The following HDC variants were observed in gnomAD, a reference collection of about 807,000 sequenced individuals.
HDC encodes the protein histidine decarboxylase.
Under a neutral mutation model 64.4 loss-of-function variants are expected in HDC, and 27 were observed. The observed-to-expected ratio is 0.42, with a 90% CI of 0.31 to 0.58. HDC has a LOEUF of 0.58. Ranked by LOEUF, HDC falls within the 20% of genes least tolerant of loss-of-function variation. The pLI, the probability that HDC is intolerant of heterozygous loss-of-function variation, is 0.16. For missense variants in HDC, 711 were observed against 833.9 expected (o/e 0.85, Z 1.81); for synonymous variants, 305 against 314.2 (o/e 0.97, Z 0.31).
chr15:50,252,444 C>T lies in HDC; in HGVS notation c.1027G>A (p.Ala343Thr). 6.2e-7 allele frequency: 1 copy of T among 1,614,104 alleles called. No homozygotes were observed. The highest frequency in any genetic ancestry group is 1.1e-5 in the South Asian group (1 of 91,078). ...TGGCCACTCACCATGAAGTCGGTGG[C>T]CACGCCTGAGTTGGCATGCCTGAGG... Reference protein sequence around the residue: ...IYLRHANSGVATDFMHWQIPL... With the variant: ...IYLRHANSGVTTDFMHWQIPL... Residue 343 changes from alanine (A) to threonine (T), a missense_variant, in exon 9 of 12, where the codon GCC becomes ACC. Ala to Thr is a moderately conservative substitution (Grantham distance 58). Coordinates refer to ENST00000267845, the MANE Select transcript of HDC (RefSeq NM_002112.4).
Position 50,252,420 on chromosome 15 carries a change from G to A in HDC, c.1041+10C>T. The A allele has an allele frequency of 6.2e-7, 1 of 1,612,764 alleles. No individual in the cohort carries two copies. The highest frequency in any genetic ancestry group is 8.5e-7 in the Non-Finnish European group (1 of 1,178,786). The stretch of plus-strand genomic sequence containing the variant: ...CGAGCCCACCAGGCTGCCCGTCCCT[G>A]GCCACTCACCATGAAGTCGGTGGCC... On this transcript the variant is annotated intron_variant, in intron 9 of 11. Coordinates refer to ENST00000267845, the MANE Select transcript of HDC (RefSeq NM_002112.4).
intron 9 of HDC, among the ~76,000 whole-genome samples, chr15:50,249,841 A>C (rs146807008): frequency 6.6e-6 from 1 of 152,334 alleles, no homozygotes; most frequent in African/African-American, 2.4e-5. Flanking sequence ...ATTTCTTCAC[A>C]ATCTTCCTTA....
At chr15:50,255,695 G>C (rs917565235) in intron 4 of HDC, among the ~76,000 whole-genome samples, 1 of 152,184 alleles carries the variant, frequency 6.6e-6, no homozygotes, top group African/African-American at 2.4e-5. Context: ...AGCTACGTGG[G>C]AGGCTGAGGT....
intron 10 of HDC, among the ~76,000 whole-genome samples, chr15:50,245,385 TAGG>T (rs2045466468): frequency 6.6e-6 from 1 of 152,038 alleles, no homozygotes; most frequent in South Asian, 2.1e-4. Flanking sequence ...TTGTAGGTGA[TAGG>T]AGATGAGGAT....
rs1356885484 is a variant in HDC at position 50,252,793 on chromosome 15, C to T, written c.788-19G>A. 2 of 1,605,786 alleles carry T rather than the reference C, an allele frequency of 1.2e-6. No homozygotes were observed. The highest frequency in any genetic ancestry group is 1.7e-5 in the Admixed American group (1 of 58,552). On this transcript the variant is annotated intron_variant, in intron 7 of 11. Transcript: ENST00000267845. ...CGGGCACCTGAGGAGGCAAACATCACCTGGCCGGAGGGGAGGTATGAAGTG... is the reference window on the plus strand; with the variant it reads ...CGGGCACCTGAGGAGGCAAACATCATCTGGCCGGAGGGGAGGTATGAAGTG...
chr15:50,257,618 CATGTCTGCCCCTG>C, intron 3 of HDC, 71 bp from the exon 4 acceptor site: 1 of 1,568,046 alleles, frequency 6.4e-7, no homozygotes, highest in Non-Finnish European at 8.7e-7. Flanking sequence ...GCTCCAGAAA[CATGTCTGCCCCTG>C]ATGGTGTCAA....
intron 10 of HDC, among the ~76,000 whole-genome samples, chr15:50,244,213 A>G (rs938156602): frequency 6.6e-6 from 1 of 151,882 alleles, no homozygotes; most frequent in Non-Finnish European, 1.5e-5. Context: ...AATATTTGCT[A>G]AGTAATTCTA....
rs2045569472 is a variant in HDC, at chr15:50,252,469, G to A, written c.1002C>T (p.Tyr334=). The change falls in exon 9 of 12, where the codon TAC becomes TAT. Residue 334 remains tyrosine, a synonymous_variant. Transcript: ENST00000267845. ...LQQTFSVNPI[Y]LRHANSGVAT... ...CCACGCCTGAGTTGGCATGCCTGAG[G>A]TAGATGGGATTCACACTGAAGGTCT... 4 of 1,614,200 alleles carry A rather than the reference G, an allele frequency of 2.5e-6. No individual in the cohort carries two copies. The highest frequency in any genetic ancestry group is 3.4e-6 in the Non-Finnish European group (4 of 1,180,044).
At chr15:50,261,535 C>A (rs775077811) in intron 2 of HDC, among the ~76,000 whole-genome samples, 2 of 150,220 alleles carry the variant, frequency 1.3e-5, no homozygotes, top group African/African-American at 4.9e-5. Context: ...CATCCCAACA[C>A]TTTGGAAGGC....
In HDC at chr15:50,242,303, C is replaced by T. The variant is rs769958247; in HGVS notation, c.1946G>A (p.Cys649Tyr). 4.3e-6 allele frequency: 7 copies of T among 1,614,178 alleles called. No individual in the cohort carries two copies. The highest frequency in any genetic ancestry group is 5.9e-6 in the Non-Finnish European group (7 of 1,180,028). ...VPSFPECSSQCGLQLPCCPLQ... is the reference protein window; with the variant it reads ...VPSFPECSSQYGLQLPCCPLQ... The stretch of plus-strand genomic sequence containing the variant: ...AGGGCAACAGGGCAGCTGGAGTCCA[C>T]ATTGAGAGCTGCATTCAGGAAAGCT... Residue 649 changes from cysteine (C) to tyrosine (Y), a missense_variant, in exon 12 of 12, where the codon TGT becomes TAT. Cys to Tyr is a radical substitution (Grantham distance 194). This residue lies in a region of HDC where 483 missense variants were observed against 540.9 expected (regional missense o/e 0.89). Coordinates refer to ENST00000267845, the MANE Select transcript of HDC (RefSeq NM_002112.4).
At position 50,260,802 on chromosome 15, in the gene HDC, C is replaced by T. The variant is rs954292745; in HGVS notation, c.205-2285G>A. Among the ~76,000 whole-genome samples the T allele has an allele frequency of 3.3e-5, 5 of 152,292 alleles. No individual in the cohort carries two copies. In the East Asian group the frequency reaches 9.7e-4, roughly 29 times the overall value. ...GCAATGAGGCAGAAGCCCAGACACC[C>T]GAGCAGGGTGGTGTCCTGACTTTTC... On this transcript the variant is annotated intron_variant, in intron 2 of 11. Coordinates refer to ENST00000267845, the MANE Select transcript of HDC (RefSeq NM_002112.4).
intron 4 of HDC, among the ~76,000 whole-genome samples, chr15:50,256,836 A>T (rs1270661950): frequency 6.6e-6 from 1 of 152,238 alleles, no homozygotes; most frequent in African/African-American, 2.4e-5. Context: ...AGGTCTTAGA[A>T]CCAAGCCCTC....
At chr15:50,259,345 G>A (rs1239203113) in intron 2 of HDC, among the ~76,000 whole-genome samples, 1 of 152,202 alleles carries the variant, frequency 6.6e-6, no homozygotes, top group East Asian at 1.9e-4. Flanking sequence ...TGGGAATGTA[G>A]TGAGGAAAGG....
At chr15:50,253,763 C>G in intron 6 of HDC, 97 bp from the exon 7 acceptor site, 1 of 909,794 alleles carries the variant, frequency 1.1e-6, no homozygotes, top group South Asian at 1.3e-5. Flanking sequence ...CTACTCCCAT[C>G]CATCCCACCA....
chr15:50,242,138 A>T lies in HDC; in HGVS notation c.*122T>A. On this transcript the variant is annotated 3_prime_UTR_variant, in exon 12 of 12. Transcript: ENST00000267845. ...TGAACCCCTATGAGAATTTGATTAA[A>T]ATTATGAACTCGCCCCAAGAAAAAT... 1 of 855,198 alleles carries T rather than the reference A, an allele frequency of 1.2e-6. No homozygotes were observed. The allele number at this position is 855,198 out of a possible 1,614,324, so 53.0% of individuals were successfully genotyped here.
chr15:50,243,075 T>G, intron 11 of HDC, 68 bp downstream of exon 11: 1 of 1,613,828 alleles, frequency 6.2e-7, no homozygotes, highest in Non-Finnish European at 8.5e-7. Context: ...GCCCAGCATT[T>G]GTGTTTCCGA....
Position 50,265,601 on chromosome 15 carries a change from CTG to C in HDC, c.21_22del (p.Tyr7Ter). On this transcript the variant is annotated stop_gained and frameshift_variant, in exon 1 of 12. Coordinates refer to ENST00000267845, the MANE Select transcript of HDC (RefSeq NM_002112.4). LOFTEE classifies it high-confidence loss of function. The stretch of plus-strand genomic sequence containing the variant: ...GGATGCCCGTTGCTCACCTCTCTCT[CTG>C]TACTCCTCAGGCTCCATCATCTCCC... 1 of 1,613,880 alleles carries C rather than the reference CTG, an allele frequency of 6.2e-7. No individual in the cohort carries two copies. Among genetic ancestry groups the C allele is most frequent in the Non-Finnish European group, 8.5e-7 (1 of 1,179,784 alleles).
chr15:50,265,194 G>A (rs2045751386), intron 1 of HDC, among the ~76,000 whole-genome samples: 1 of 152,030 alleles, frequency 6.6e-6, no homozygotes, highest in African/African-American at 2.4e-5. Context: ...CACACATGAA[G>A]GAATGAATGT....
At chr15:50,255,015 C>T (rs1192327145) in intron 4 of HDC, among the ~76,000 whole-genome samples, 3 of 152,136 alleles carry the variant, frequency 2.0e-5, no homozygotes, top group Non-Finnish European at 4.4e-5. Context: ...AAAAGAAGAA[C>T]TCTCAGCTTA....
Sources: gnomAD v4.1 joint callset for allele counts (sites outside exome capture counted in the v4.1 genomes callset) on GRCh38, gnomAD v4.1.1 for gene constraint, gnomAD v4.1.1 regional missense constraint, MANE v1.5 for transcripts, NCBI Gene and HGNC (gene_info 2026-07-23, HGNC 2026-07-21) for gene names.